STK38: variants seen among roughly 807,000 people sequenced by gnomAD.
The protein encoded by STK38 is serine/threonine-protein kinase 38.
Under a neutral mutation model 59.0 loss-of-function variants are expected in STK38, and 26 were observed. The observed-to-expected ratio is 0.44, with a 90% CI of 0.32 to 0.61. The LOEUF (loss-of-function observed/expected upper bound fraction) is 0.61. Among genes scored for constraint, STK38 ranks in the 20% least tolerant of loss-of-function variants. The pLI, the probability that STK38 is intolerant of heterozygous loss-of-function variation, is 0.04. For missense variants in STK38, 433 were observed against 566.0 expected, an observed-to-expected ratio of 0.76 and a Z score of 2.38; for synonymous variants, 175 against 176.6, an observed-to-expected ratio of 0.99 and a Z score of 0.07.
chr6:36,529,679 C>T (rs564688598), intron 2 of STK38, among the ~76,000 whole-genome samples: 2 of 151,920 alleles, frequency 1.3e-5, no homozygotes, highest in Non-Finnish European at 2.9e-5. Flanking sequence ...TATCTGAATT[C>T]CCTATGTCCA....
intron 2 of STK38, among the ~76,000 whole-genome samples, chr6:36,534,623 A>T (rs555347316): frequency 1.3e-5 from 2 of 152,248 alleles, no homozygotes; most frequent in South Asian, 2.1e-4. Flanking sequence ...ACCTCACTCC[A>T]ACCTGGGTTA....
At chr6:36,524,757 T>C (rs1777469952) in intron 3 of STK38, among the ~76,000 whole-genome samples, 1 of 152,196 alleles carries the variant, frequency 6.6e-6, no homozygotes, top group Admixed American at 6.5e-5. Flanking sequence ...GAGGGATAAA[T>C]AATCAACAAT....
Position 36,541,180 on chromosome 6 carries a change from G to A in STK38, c.-5-973C>T, listed in dbSNP as rs138795539. Among the ~76,000 whole-genome samples, 1,016 of 152,286 alleles carry A rather than the reference G, an allele frequency of 6.7e-3. 5 individuals carry two copies. Among genetic ancestry groups the A allele is most frequent in the African/African-American group, 0.019 (793 of 41,550 alleles). ...TCCCAAAGTGCTGAGGATAACAGGC[G>A]TGAGCCACCGTGCCCAGCCCACAAA... On this transcript the variant is annotated intron_variant, in intron 1 of 13. Coordinates refer to ENST00000229812, the MANE Select transcript of STK38 (RefSeq NM_007271.4).
chr6:36,498,514 T>C, intron 10 of STK38, 28 bp from the exon 11 acceptor site: 1 of 1,603,826 alleles, frequency 6.2e-7, no homozygotes, highest in Non-Finnish European at 8.5e-7. Context: ...CTTCGGAGCT[T>C]TTACACTCCA....
At chr6:36,504,898 C>CAAAAAAAAAAA (rs562032331) in intron 9 of STK38, among the ~76,000 whole-genome samples, 6 of 64,064 alleles carry the variant, frequency 9.4e-5, no homozygotes, top group East Asian at 4.7e-4. Context: ...TCCTGGCCTC[C>CAAAAAAAAAAA]AAAAAAAAAA....
At chr6:36,517,922 G>A in intron 5 of STK38, 82 bp from the exon 6 acceptor site, 1 of 1,502,982 alleles carries the variant, frequency 6.7e-7, no homozygotes, top group Non-Finnish European at 9.0e-7. Context: ...TTTAAATACT[G>A]TGCTTAAATA....
chr6:36,496,668 AATGTGCTT>A, intron 13 of STK38, 35 bp downstream of exon 13: 2 of 1,441,684 alleles, frequency 1.4e-6, no homozygotes, highest in Non-Finnish European at 9.8e-7. Context: ...GGGGGTAAAT[AATGTGCTT>A]ATAAGGCAGC....
intron 7 of STK38, among the ~76,000 whole-genome samples, chr6:36,508,629 T>C (rs62402201): frequency 0.019 from 2,867 of 152,364 alleles, 39 homozygotes; most frequent in Non-Finnish European, 0.027. Flanking sequence ...TTGATGCCTT[T>C]ACCCGAGTTT....
chr6:36,497,340 C>G (rs921398153), intron 12 of STK38, among the ~76,000 whole-genome samples: 2 of 152,242 alleles, frequency 1.3e-5, no homozygotes, highest in African/African-American at 4.8e-5. Flanking sequence ...CCGTAGTCTA[C>G]TACCCCCACC....
chr6:36,545,596 A>G (rs1306403186), intron 1 of STK38, among the ~76,000 whole-genome samples: 2 of 152,156 alleles, frequency 1.3e-5, no homozygotes, highest in Non-Finnish European at 2.9e-5. Context: ...CCTAATTCTA[A>G]TATCCTTTAA....
chr6:36,503,348 A>G (rs1185205119), intron 9 of STK38, among the ~76,000 whole-genome samples: 1 of 152,140 alleles, frequency 6.6e-6, no homozygotes, highest in Non-Finnish European at 1.5e-5. Flanking sequence ...TTTCTTTAAA[A>G]ATTTTTAAAG....
chr6:36,538,178 C>A (rs1489779221), intron 2 of STK38, among the ~76,000 whole-genome samples: 1 of 151,966 alleles, frequency 6.6e-6, no homozygotes, highest in East Asian at 1.9e-4. Context: ...GTGGCAAGCG[C>A]CTGTAGTCCC....
intron 2 of STK38, among the ~76,000 whole-genome samples, chr6:36,527,824 G>A (rs1777568002): frequency 1.3e-5 from 2 of 151,978 alleles, no homozygotes; most frequent in South Asian, 4.2e-4. Flanking sequence ...TGCTGGCCAG[G>A]TGCGGTGGCT....
At chr6:36,527,191 C>CAAAAAAAAA (rs777770396) in intron 2 of STK38, among the ~76,000 whole-genome samples, 1 of 46,016 alleles carries the variant, frequency 2.2e-5, no homozygotes, top group African/African-American at 9.6e-5. Context: ...GACTCCGTCT[C>CAAAAAAAAA]AAAAAAAAAA....
At chr6:36,543,164 G>C (rs1345270633) in intron 1 of STK38, among the ~76,000 whole-genome samples, 1 of 150,262 alleles carries the variant, frequency 6.7e-6, no homozygotes, top group Non-Finnish European at 1.5e-5. Flanking sequence ...TCCCAGGTTC[G>C]TGCCATTCTC....
rs1393804840 is a variant in STK38 at position 36,495,755 on chromosome 6, G to A, written c.*29C>T. ...AGCATGATGTTATACAAAGAACTCT[G>A]CTCCACATAGGATTCCGTGGCAAGA... On this transcript the variant is annotated 3_prime_UTR_variant, in exon 14 of 14. Coordinates refer to ENST00000229812, the MANE Select transcript of STK38 (RefSeq NM_007271.4). 6.2e-7 allele frequency: 1 copy of A among 1,612,818 alleles called. No homozygotes were observed.
chr6:36,505,498 A>G (rs1776942486), intron 9 of STK38, among the ~76,000 whole-genome samples: 1 of 152,170 alleles, frequency 6.6e-6, no homozygotes, highest in Non-Finnish European at 1.5e-5. Flanking sequence ...AAACCATCCC[A>G]TAGGCTTCCA....
intron 2 of STK38, among the ~76,000 whole-genome samples, chr6:36,536,614 A>T (rs1314502917): frequency 1.3e-5 from 2 of 151,938 alleles, no homozygotes; most frequent in Non-Finnish European, 2.9e-5. Flanking sequence ...GCTCACCACA[A>T]ACTCCGCCTC....
intron 7 of STK38, among the ~76,000 whole-genome samples, chr6:36,511,352 T>C (rs1204477850): frequency 6.6e-6 from 1 of 152,100 alleles, no homozygotes; most frequent in East Asian, 1.9e-4. Context: ...AGTATCTTTT[T>C]TTTTTTTCTT....
Sources: allele counts gnomAD v4.1 joint callset (sites outside exome capture counted in the v4.1 genomes callset), GRCh38; gene constraint gnomAD v4.1.1; transcripts MANE v1.5; gene names NCBI Gene and HGNC (gene_info 2026-07-23, HGNC 2026-07-21).